Variants in ABR observed in about 807,000 individuals in gnomAD.
The protein encoded by ABR is active breakpoint cluster region-related protein.
Under a neutral mutation model 107.2 loss-of-function variants are expected in ABR, and 35 were observed. That is an observed-to-expected ratio of 0.33 (90% CI 0.25 to 0.43). The LOEUF is 0.43. Among genes scored for constraint, ABR ranks in the 20% least tolerant of loss-of-function variants. The pLI is 1.00. For missense variants in ABR, 815 were observed against 1,115.2 expected (o/e 0.73, Z 3.83); for synonymous variants, 498 against 462.0 (o/e 1.08, Z -1.00).
At chr17:1,175,357 A>T (rs1353836182) in intron 1 of ABR, among the ~76,000 whole-genome samples, 1 of 152,194 alleles carries the variant, frequency 6.6e-6, no homozygotes, top group African/African-American at 2.4e-5. Context: ...GGTTGCAGTG[A>T]GCCGAGATCG....
At chr17:1,049,754 C>T (rs1328310050) in intron 16 of ABR, among the ~76,000 whole-genome samples, 7 of 152,216 alleles carry the variant, frequency 4.6e-5, no homozygotes, top group African/African-American at 9.7e-5. Flanking sequence ...CTCAACATGG[C>T]GTTCCGGGAA....
chr17:1,083,744 A>G lies in ABR; in HGVS notation c.532-117T>C, dbSNP rs955468983. The G allele has an allele frequency of 1.1e-5, 9 of 819,330 alleles. No individual in the cohort carries two copies. The Admixed American group carries it at 1.3e-4, about 12-fold the overall frequency. The allele number at this position is 819,330 out of a possible 1,614,324, so 50.8% of individuals were successfully genotyped here. A position where few individuals can be genotyped will look rare whatever the true frequency, so the allele number is the denominator to read the frequency against. On this transcript the variant is annotated intron_variant, in intron 4 of 22. Transcript: ENST00000302538. Reference sequence around the variant, plus strand: ...CCCCTGCACTGAAAACCTCTCACTCAGCTCGTTGGGAACTTGGGGAAACGC... The same window carrying G: ...CCCCTGCACTGAAAACCTCTCACTCGGCTCGTTGGGAACTTGGGGAAACGC...
intron 2 of ABR, chr17:1,109,195 C>T: frequency 7.8e-7 from 1 of 1,290,186 alleles, no homozygotes; most frequent in South Asian, 1.6e-5. Context: ...CCTGGGGCTC[C>T]CGACCCGGGA....
At chr17:1,038,199 C>A (rs8074809) in intron 16 of ABR, among the ~76,000 whole-genome samples, 34,868 of 152,084 alleles carry the variant, frequency 0.23, 4,313 homozygotes, top group Admixed American at 0.28. Flanking sequence ...ACCTCAGCGC[C>A]CCGCCCTCCT....
chr17:1,155,469 A>G (rs999248635), intron 1 of ABR, among the ~76,000 whole-genome samples: 7 of 152,226 alleles, frequency 4.6e-5, no homozygotes, highest in African/African-American at 1.7e-4. Flanking sequence ...ACCTGGGGGT[A>G]GATCTTCATG....
chr17:1,062,516 G>C (rs2034118582), intron 10 of ABR, among the ~76,000 whole-genome samples: 1 of 122,670 alleles, frequency 8.2e-6, no homozygotes. Context: ...TGAGGGATAT[G>C]CATGTTCCTC....
intron 1 of ABR, chr17:1,126,197 A>T (rs1288194591): frequency 6.6e-6 from 1 of 152,522 alleles, no homozygotes; most frequent in Non-Finnish European, 1.5e-5. Context: ...TCAGCAGCTC[A>T]GGGCTTCACA....
intron 1 of ABR, among the ~76,000 whole-genome samples, chr17:1,136,236 TG>T (rs1324077620): frequency 6.6e-6 from 1 of 152,176 alleles, no homozygotes; most frequent in Non-Finnish European, 1.5e-5. Flanking sequence ...TTGGTTTTGT[TG>T]TTGTTGTTTG....
rs751033583 is a variant in ABR, at chr17:1,058,726, C to T, written c.1305+19G>A. The stretch of plus-strand genomic sequence containing the variant: ...ACTAAGGAAGGGGCTGTCTTGGTCC[C>T]ACCCCCACCCATCCTGACCTTTCCA... On this transcript the variant is annotated intron_variant, in intron 11 of 22. Transcript: ENST00000302538. 1 of 1,613,292 alleles carries T rather than the reference C, an allele frequency of 6.2e-7. No homozygotes were observed. Among genetic ancestry groups the T allele is most frequent in the Admixed American group, 1.7e-5 (1 of 59,978 alleles).
intron 1 of ABR, among the ~76,000 whole-genome samples, chr17:1,208,548 A>AGTGCT (rs2042840512): frequency 6.6e-6 from 1 of 152,186 alleles, no homozygotes; most frequent in South Asian, 2.1e-4. Context: ...GCGGTAGAGA[A>AGTGCT]GTGCTGACCA....
chr17:1,073,734 A>C, intron 6 of ABR, 57 bp from the exon 7 acceptor site: 1 of 1,464,326 alleles, frequency 6.8e-7, no homozygotes, highest in African/African-American at 1.4e-5. Context: ...GCAACCCAAC[A>C]CCCCAGAGAC....
chr17:1,226,609 T>C (rs969934673), intron 1 of ABR, among the ~76,000 whole-genome samples: 1 of 151,446 alleles, frequency 6.6e-6, no homozygotes, highest in Non-Finnish European at 1.5e-5. Context: ...CATGTACATA[T>C]GCAGGTGTGT....
At chr17:1,073,701 G>A (rs1399227559) in intron 6 of ABR, 24 bp from the exon 7 acceptor site, 13 of 1,591,310 alleles carry the variant, frequency 8.2e-6, no homozygotes, top group Admixed American at 3.5e-5. Context: ...CAGGGAGAAG[G>A]AGGAAGAGGA....
At position 1,041,362 on chromosome 17, in the gene ABR, C is replaced by T. The variant is rs140996466; in HGVS notation, c.1791+8688G>A. Among the ~76,000 whole-genome samples, 7 of 152,334 alleles carry T rather than the reference C, an allele frequency of 4.6e-5. No homozygotes were observed. In the East Asian group the frequency reaches 5.8e-4, roughly 13 times the overall value. Reference sequence around the variant, plus strand: ...AGCGTGGACGCACACGTCACAGCACCGACTGGCTCTTCCAGGTATGTGAGA... The same window carrying T: ...AGCGTGGACGCACACGTCACAGCACTGACTGGCTCTTCCAGGTATGTGAGA... On this transcript the variant is annotated intron_variant, in intron 16 of 22. Coordinates refer to ENST00000302538, the MANE Select transcript of ABR (RefSeq NM_021962.5).
At chr17:1,202,897 T>TC (rs2042696981) in intron 1 of ABR, among the ~76,000 whole-genome samples, 1 of 150,936 alleles carries the variant, frequency 6.6e-6, no homozygotes, top group African/African-American at 2.4e-5. Flanking sequence ...TACTTTTTTT[T>TC]TTTTTTTAAG....
chr17:1,109,076 G>T (rs780469108), intron 2 of ABR: 5 of 1,591,496 alleles, frequency 3.1e-6, no homozygotes, highest in Admixed American at 1.7e-5. Context: ...CATGGCAGCC[G>T]GAGCCCGCGG....
At position 1,071,692 on chromosome 17, in the gene ABR, C is replaced by A. The variant is rs1243795553; in HGVS notation, c.894+922G>T. Among the ~76,000 whole-genome samples the A allele has an allele frequency of 1.3e-5, 2 of 152,244 alleles. No homozygotes were observed. Among genetic ancestry groups the A allele is most frequent in the African/African-American group, 4.8e-5 (2 of 41,462 alleles). On this transcript the variant is annotated intron_variant, in intron 8 of 22. Transcript: ENST00000302538. This position sits in a 1 kb window ranked among gnomAD's most constrained non-coding sequence, Gnocchi z 5.1. ...GGCCGAGCTGAAGCAGCTCCAAGCT[C>A]CTGCTCCCTTCGCTTCCTAGGAGAC...
At chr17:1,101,953 T>G (rs1162284950) in intron 2 of ABR, among the ~76,000 whole-genome samples, 4 of 152,070 alleles carry the variant, frequency 2.6e-5, no homozygotes, top group Admixed American at 1.3e-4. Flanking sequence ...CAGGATGGTC[T>G]CGATCTCCTG....
Position 1,070,367 on chromosome 17 carries a change from A to G in ABR, c.895-277T>C, listed in dbSNP as rs1181797783. Among the ~76,000 whole-genome samples, 1 of 152,232 alleles carries G rather than the reference A, an allele frequency of 6.6e-6. No individual in the cohort carries two copies. The highest frequency in any genetic ancestry group is 2.4e-5 in the African/African-American group (1 of 41,544). ...AAGTGCGGACAGTGAGGTCTGCCTC[A>G]TAAGGTGACTCATCGAGATGGTGCA... On this transcript the variant is annotated intron_variant, in intron 8 of 22. Transcript: ENST00000302538. This position sits in a 1 kb window ranked among gnomAD's most constrained non-coding sequence, Gnocchi z 4.2.
Sources: gnomAD v4.1 joint callset for allele counts (sites outside exome capture counted in the v4.1 genomes callset) on GRCh38, gnomAD v4.1.1 for gene constraint, Gnocchi (gnomAD v3.1) non-coding constraint, MANE v1.5 for transcripts, NCBI Gene and HGNC (gene_info 2026-07-23, HGNC 2026-07-21) for gene names.